Variants in ST18 observed in about 807,000 individuals in gnomAD.
ST18 encodes suppression of tumorigenicity 18 protein.
Under a neutral mutation model 110.0 loss-of-function variants are expected in ST18, and 50 were observed. That is an observed-to-expected ratio of 0.45 (90% CI 0.36 to 0.58). The LOEUF is 0.58. ST18 is among the 20% of genes least tolerant of loss of function. The pLI, the probability that ST18 is intolerant of heterozygous loss-of-function variation, is 0.00. For missense variants in ST18, 1,306 were observed against 1,280.1 expected (o/e 1.02, Z -0.31); for synonymous variants, 461 against 452.4 (o/e 1.02, Z -0.24).
intron 2 of ST18, among the ~76,000 whole-genome samples, chr8:52,318,263 C>T (rs917490457): frequency 2.0e-5 from 3 of 151,950 alleles, no homozygotes; most frequent in African/African-American, 4.8e-5. Context: ...ACTTCTCAAA[C>T]GAAGACATAC....
At chr8:52,293,506 A>G (rs2095587212) in intron 2 of ST18, among the ~76,000 whole-genome samples, 1 of 152,240 alleles carries the variant, frequency 6.6e-6, no homozygotes, top group Non-Finnish European at 1.5e-5. Flanking sequence ...AAGTGAAAGG[A>G]AAATGCTTTG....
At chr8:52,118,729 C>T (rs2043476853) in intron 23 of ST18, among the ~76,000 whole-genome samples, 1 of 151,980 alleles carries the variant, frequency 6.6e-6, no homozygotes, top group Non-Finnish European at 1.5e-5. Context: ...TACATCTTAC[C>T]ACACCCTACA....
chr8:52,233,381 G>A (rs554258183), intron 2 of ST18, among the ~76,000 whole-genome samples: 1 of 152,052 alleles, frequency 6.6e-6, no homozygotes, highest in Non-Finnish European at 1.5e-5. Flanking sequence ...TAACATGGGA[G>A]AACAATCTGA....
At chr8:52,279,800 T>C (rs2095341237) in intron 2 of ST18, among the ~76,000 whole-genome samples, 1 of 152,142 alleles carries the variant, frequency 6.6e-6, no homozygotes. Context: ...CTTCACTATC[T>C]TCAAACAAAC....
intron 2 of ST18, among the ~76,000 whole-genome samples, chr8:52,242,323 GCA>G (rs1408240322): frequency 6.6e-6 from 1 of 152,180 alleles, no homozygotes; most frequent in Non-Finnish European, 1.5e-5. Context: ...TAGAGTAAAA[GCA>G]CAGAGGCAGA....
At chr8:52,393,336 G>A (rs1289543238) in intron 2 of ST18, among the ~76,000 whole-genome samples, 1 of 152,196 alleles carries the variant, frequency 6.6e-6, no homozygotes, top group African/African-American at 2.4e-5. Flanking sequence ...CAACAGGCGA[G>A]AGAAATGTAG....
chr8:52,183,025 G>A (rs1587940448), intron 8 of ST18, among the ~76,000 whole-genome samples: 2 of 152,094 alleles, frequency 1.3e-5, no homozygotes, highest in South Asian at 2.1e-4. Context: ...TTATAAAAAC[G>A]AATCACATTA....
chr8:52,149,152 G>T (rs1425321181), intron 16 of ST18, among the ~76,000 whole-genome samples: 1 of 152,190 alleles, frequency 6.6e-6, no homozygotes, highest in Non-Finnish European at 1.5e-5. Flanking sequence ...CGCACCATCT[G>T]GCTTTCAGGG....
At chr8:52,289,515 A>G (rs893122110) in intron 2 of ST18, among the ~76,000 whole-genome samples, 2 of 152,184 alleles carry the variant, frequency 1.3e-5, no homozygotes, top group African/African-American at 4.8e-5. Flanking sequence ...TAATGATGAT[A>G]TGAACTAAGA....
chr8:52,399,438 G>T (rs1188152411), intron 2 of ST18, among the ~76,000 whole-genome samples: 2 of 148,018 alleles, frequency 1.4e-5, no homozygotes, highest in Non-Finnish European at 3.0e-5. Context: ...ATTTATTTCT[G>T]TTCTGATCTT....
At chr8:52,209,788 A>AATATAT (rs55960327) in intron 8 of ST18, among the ~76,000 whole-genome samples, 37 of 105,674 alleles carry the variant, frequency 3.5e-4, no homozygotes, top group African/African-American at 1.4e-3. Context: ...AAAAAAAAAA[A>AATATAT]ATATATATAT....
In ST18 at chr8:52,358,980, T is replaced by G. The variant is rs996031283; in HGVS notation, c.-465+50348A>C. Among the ~76,000 whole-genome samples the G allele has an allele frequency of 2.6e-5, 4 of 151,964 alleles. No homozygotes were observed. In the East Asian group the frequency reaches 7.7e-4, roughly 29 times the overall value. On this transcript the variant is annotated intron_variant, in intron 2 of 25. Coordinates refer to ENST00000689386, the MANE Select transcript of ST18 (RefSeq NM_001352837.2). ...CAAGCAAAAATCCCCATGAAAATAC[T>G]AGGAACCAAATTTATTTAATAACAT... is the stretch of plus-strand genomic sequence containing the variant.
chr8:52,152,948 A>G (rs1254727794), intron 15 of ST18, among the ~76,000 whole-genome samples: 3 of 152,212 alleles, frequency 2.0e-5, no homozygotes, highest in African/African-American at 7.2e-5. Flanking sequence ...GCAGAGAACA[A>G]TGTGGCATTC....
intron 2 of ST18, among the ~76,000 whole-genome samples, chr8:52,253,281 G>A (rs900728770): frequency 6.6e-6 from 1 of 152,058 alleles, no homozygotes; most frequent in African/African-American, 2.4e-5. Flanking sequence ...ATGAGGCAAA[G>A]TATTGTTTAT....
intron 8 of ST18, among the ~76,000 whole-genome samples, chr8:52,200,774 ATAGAGTCT>A (rs1400428415): frequency 6.6e-6 from 1 of 152,218 alleles, no homozygotes; most frequent in African/African-American, 2.4e-5. Flanking sequence ...CAGATCAGAC[ATAGAGTCT>A]GAAGAGAAGA....
At chr8:52,196,362 C>T (rs1392538161) in intron 8 of ST18, among the ~76,000 whole-genome samples, 1 of 152,194 alleles carries the variant, frequency 6.6e-6, no homozygotes, top group Admixed American at 6.5e-5. Flanking sequence ...TCAAATCACT[C>T]CCATGAATGA....
intron 2 of ST18, among the ~76,000 whole-genome samples, chr8:52,363,801 T>C (rs1826740861): frequency 6.6e-6 from 1 of 152,174 alleles, no homozygotes; most frequent in South Asian, 2.1e-4. Context: ...ATTATGTGTG[T>C]GTGTGTGAGT....
At chr8:52,117,859 T>C (rs2361116) in intron 24 of ST18, among the ~76,000 whole-genome samples, 5,956 of 152,278 alleles carry the variant, frequency 0.039, 369 homozygotes, top group African/African-American at 0.14. Context: ...CAAAGAAGAA[T>C]GCAGAATTGA....
intron 7 of ST18, 80 bp downstream of exon 7, chr8:52,214,123 A>C (rs2083229365): frequency 2.8e-6 from 4 of 1,429,472 alleles, no homozygotes; most frequent in Admixed American, 1.7e-5. Context: ...TTCTGACTGC[A>C]CACGAGGGAC....
Sources: gnomAD v4.1 joint callset for allele counts (sites outside exome capture counted in the v4.1 genomes callset) on GRCh38, gnomAD v4.1.1 for gene constraint, MANE v1.5 for transcripts, NCBI Gene and HGNC (gene_info 2026-07-23, HGNC 2026-07-21) for gene names.